The following UBASH3A variants were observed in gnomAD, a reference collection of about 807,000 sequenced individuals.
UBASH3A encodes the protein ubiquitin-associated and SH3 domain-containing protein A.
Under a neutral mutation model 73.5 loss-of-function variants are expected in UBASH3A, and 63 were observed. That is an observed-to-expected ratio of 0.86 (90% CI 0.70 to 1.06). UBASH3A has a LOEUF of 1.06. UBASH3A is among the 50% of genes least tolerant of loss of function. UBASH3A has a pLI of 0.00. For synonymous variants in UBASH3A, 363 were observed against 351.1 expected (o/e 1.03, Z -0.38); for missense variants, 860 against 859.0 (o/e 1.00, Z -0.02).
chr21:42,419,420 T>A (rs777459206), intron 7 of UBASH3A, among the ~76,000 whole-genome samples: 1 of 152,252 alleles, frequency 6.6e-6, no homozygotes, highest in African/African-American at 2.4e-5. Flanking sequence ...GCCTTAGCTA[T>A]GTGACCAACA....
intron 5 of UBASH3A, among the ~76,000 whole-genome samples, chr21:42,414,717 CTG>C (rs2146512999): frequency 1.3e-5 from 2 of 152,326 alleles, no homozygotes; most frequent in East Asian, 3.9e-4. Flanking sequence ...CCACCGGAAA[CTG>C]GAAGAAGCCA....
At chr21:42,444,889 G>A (rs1231882874) in intron 14 of UBASH3A, among the ~76,000 whole-genome samples, 1 of 152,112 alleles carries the variant, frequency 6.6e-6, no homozygotes, top group African/African-American at 2.4e-5. Flanking sequence ...GTCAGCTCAT[G>A]CCATGACCCC....
Position 42,444,605 on chromosome 21 carries a change from C to G in UBASH3A, c.1810C>G (p.Pro604Ala). The G allele has an allele frequency of 6.2e-7, 1 of 1,614,194 alleles. No individual in the cohort carries two copies. The change falls in exon 14 of 15, where the codon CCC becomes GCC. Residue 604 changes from proline (P) to alanine (A), a missense_variant. By Grantham distance (27) the Pro-to-Ala change is conservative (BLOSUM62 -1). Transcript: ENST00000319294. ...CACGCGGCCACTGCTCGGGCTGCCG[C>G]CCCGGGAATGTGGGGATTTTGCCCA... ...SCTRPLLGLP[P>A]RECGDFAQLV...
In UBASH3A at chr21:42,442,432, T is replaced by C. The variant is rs1167372742; in HGVS notation, c.1487-20T>C. On this transcript the variant is annotated intron_variant, in intron 11 of 14. Coordinates refer to ENST00000319294, the MANE Select transcript of UBASH3A (RefSeq NM_018961.4). ...GGTGGATGTTGAGGATGATAAACAC[T>C]TGTATTCTGTTGAATCCAGAACTCA... 1 of 1,612,582 alleles carries C rather than the reference T, an allele frequency of 6.2e-7. No individual in the cohort carries two copies. Among genetic ancestry groups the C allele is most frequent in the East Asian group, 2.2e-5 (1 of 44,876 alleles).
chr21:42,415,194 C>T (rs73372266), intron 5 of UBASH3A, among the ~76,000 whole-genome samples: 73 of 152,342 alleles, frequency 4.8e-4, no homozygotes, highest in African/African-American at 1.7e-3. Context: ...CGCAAGGACC[C>T]GTTCAGAAGT....
At position 42,416,540 on chromosome 21, in the gene UBASH3A, A is replaced by G; in HGVS notation, c.766A>G (p.Ile256Val). 1.2e-6 allele frequency: 2 copies of G among 1,610,926 alleles called. No individual in the cohort carries two copies. Among genetic ancestry groups the G allele is most frequent in the Non-Finnish European group, 1.7e-6 (2 of 1,178,780 alleles). Residue 256 changes from isoleucine (I) to valine (V), a missense_variant, in exon 6 of 15, where the codon ATC (isoleucine) becomes GTC (valine). Ile to Val is a conservative substitution (Grantham distance 29). Coordinates refer to ENST00000319294, the MANE Select transcript of UBASH3A (RefSeq NM_018961.4). ...GACGCTGGAGCAGCTGGCCAGAGCC[A>G]TCCCCCTGGGCCACAGCTGCCAGTG... ...QRTLEQLARAIPLGHSCQWTA... is the reference protein window; with the variant it reads ...QRTLEQLARAVPLGHSCQWTA...
rs17114915 is a variant in UBASH3A at position 42,432,527 on chromosome 21, G to A, written c.1270+325G>A. Among the ~76,000 whole-genome samples, 911 of 152,030 alleles carry A rather than the reference G, an allele frequency of 6.0e-3. 6 individuals carry two copies. Among genetic ancestry groups the A allele is most frequent in the African/African-American group, 0.02 (844 of 41,334 alleles). ...TTCTCCTCTGAATGCCAGGAAGTAA[G>A]AATAGTGCTTATAAATACACATACC... On this transcript the variant is annotated intron_variant, in intron 9 of 14. Transcript: ENST00000319294.
At chr21:42,427,114 C>G (rs1868661239) in intron 8 of UBASH3A, among the ~76,000 whole-genome samples, 1 of 152,148 alleles carries the variant, frequency 6.6e-6, no homozygotes, top group South Asian at 2.1e-4. Context: ...ATTCATGAGC[C>G]AAGAGGTCCC....
chr21:42,443,551 G>A (rs528505681), intron 13 of UBASH3A, 133 bp downstream of exon 13: 5 of 736,216 alleles, frequency 6.8e-6, no homozygotes, highest in African/African-American at 1.8e-5. Flanking sequence ...CCATTCTCCA[G>A]CAACAAAGTT....
chr21:42,436,597 C>T (rs1376451690), intron 10 of UBASH3A, among the ~76,000 whole-genome samples: 1 of 152,182 alleles, frequency 6.6e-6, no homozygotes, highest in Non-Finnish European at 1.5e-5. Context: ...AATCCTGTTT[C>T]CAAATGAGTC....
At chr21:42,422,551 C>T (rs1601579471) in intron 7 of UBASH3A, among the ~76,000 whole-genome samples, 1 of 152,178 alleles carries the variant, frequency 6.6e-6, no homozygotes, top group East Asian at 1.9e-4. Context: ...TATACCTAAT[C>T]CCACGCTTGG....
At chr21:42,428,267 C>T (rs777938135) in intron 8 of UBASH3A, among the ~76,000 whole-genome samples, 4 of 152,230 alleles carry the variant, frequency 2.6e-5, no homozygotes, top group African/African-American at 7.2e-5. Flanking sequence ...TCGCCATTTG[C>T]ACCTCCTGGC....
At chr21:42,420,184 C>G (rs1379938037) in intron 7 of UBASH3A, among the ~76,000 whole-genome samples, 1 of 152,080 alleles carries the variant, frequency 6.6e-6, no homozygotes, top group Admixed American at 6.6e-5. Context: ...TCCCGGACCC[C>G]CACAGATACC....
intron 10 of UBASH3A, among the ~76,000 whole-genome samples, chr21:42,436,890 G>C (rs2053635199): frequency 6.6e-6 from 1 of 152,250 alleles, no homozygotes; most frequent in South Asian, 2.1e-4. Flanking sequence ...CAGTGGTGCA[G>C]ATCCAAAGCC....
intron 9 of UBASH3A, 37 bp downstream of exon 9, chr21:42,432,239 C>T: frequency 7.1e-7 from 1 of 1,404,670 alleles, no homozygotes; most frequent in East Asian, 2.3e-5. Flanking sequence ...GACAGAAACA[C>T]TGTAGATCTA....
At chr21:42,439,933 TACAC>T (rs1302007445) in intron 11 of UBASH3A, among the ~76,000 whole-genome samples, 3 of 86,434 alleles carry the variant, frequency 3.5e-5, no homozygotes, top group Non-Finnish European at 6.9e-5. Context: ...ACCACACACA[TACAC>T]ACACCACACA....
intron 1 of UBASH3A, 118 bp from the exon 2 acceptor site, chr21:42,406,190 A>G (rs1601551565): frequency 1.2e-6 from 1 of 821,044 alleles, no homozygotes; most frequent in South Asian, 1.4e-5. Context: ...GTTCAGCATC[A>G]GGCCCTCTTC....
At chr21:42,412,231 C>G (rs2053113467) in intron 3 of UBASH3A, among the ~76,000 whole-genome samples, 1 of 152,080 alleles carries the variant, frequency 6.6e-6, no homozygotes, top group Non-Finnish European at 1.5e-5. Flanking sequence ...GGGTGGGAGC[C>G]CCGTGGGCAA....
In UBASH3A at chr21:42,447,352, CTTT is replaced by C. The variant is rs2053862095; in HGVS notation, c.*159_*161del. 3.7e-6 allele frequency: 3 copies of C among 803,240 alleles called. No individual in the cohort carries two copies. The highest frequency in any genetic ancestry group is 5.7e-6 in the Non-Finnish European group (3 of 530,664). 49.8% of individuals were successfully genotyped at this position (803,240 alleles called of 1,614,324 possible). A position where few individuals can be genotyped will look rare whatever the true frequency, so the allele number is the denominator to read the frequency against. Reference sequence around the variant, plus strand: ...TATATCCCGGAATATTTCCCTCCGGCTTTCGCCTTTGTAACTCCCATCTGTGGA... The same window carrying C: ...TATATCCCGGAATATTTCCCTCCGGCCGCCTTTGTAACTCCCATCTGTGGA... On this transcript the variant is annotated 3_prime_UTR_variant, in exon 15 of 15. Coordinates refer to ENST00000319294, the MANE Select transcript of UBASH3A (RefSeq NM_018961.4).
Sources: allele counts gnomAD v4.1 joint callset (sites outside exome capture counted in the v4.1 genomes callset), GRCh38; gene constraint gnomAD v4.1.1; transcripts MANE v1.5; gene names NCBI Gene and HGNC (gene_info 2026-07-23, HGNC 2026-07-21).